The following NSF variants were observed in gnomAD, a reference collection of about 807,000 sequenced individuals.
NSF encodes the protein N-ethylmaleimide sensitive factor, vesicle fusing ATPase.
Under a neutral mutation model 50.3 loss-of-function variants are expected in NSF, and 14 were observed. The observed-to-expected ratio is 0.28, with a 90% confidence interval of 0.18 to 0.44. The LOEUF (loss-of-function observed/expected upper bound fraction) is 0.44, where lower values mean the gene tolerates loss of function less well. NSF is among the 20% of genes least tolerant of loss of function. The probability of loss-of-function intolerance (pLI) is 1.00; values close to 1 mark genes in which losing one functional copy is unlikely to be tolerated. For synonymous variants in NSF, 109 were observed against 175.7 expected, an observed-to-expected ratio of 0.62 and a Z score of 3.00; for missense variants, 218 against 504.3, an observed-to-expected ratio of 0.43 and a Z score of 5.44.
chr17:46,750,566 C>A (rs1380853861), intron 18 of NSF, among the ~76,000 whole-genome samples: 1 of 152,124 alleles, frequency 6.6e-6, no homozygotes, highest in Non-Finnish European at 1.5e-5. Context: ...TCAACCTGTA[C>A]CTCCAGTTGT....
At chr17:46,750,573 T>C (rs1337304168) in intron 18 of NSF, among the ~76,000 whole-genome samples, 3 of 152,170 alleles carry the variant, frequency 2.0e-5, no homozygotes, top group African/African-American at 7.2e-5. Context: ...GTACCTCCAG[T>C]TGTTTTCAGG....
intron 17 of NSF, among the ~76,000 whole-genome samples, chr17:46,733,546 A>G (rs773849512): frequency 2.1e-4 from 32 of 152,196 alleles, no homozygotes; most frequent in Non-Finnish European, 1.0e-4. Context: ...CTCGTAATTT[A>G]TGGAGGAGCA....
chr17:46,730,923 G>A (rs1371141642), intron 17 of NSF, among the ~76,000 whole-genome samples: 3 of 152,102 alleles, frequency 2.0e-5, no homozygotes, highest in African/African-American at 4.8e-5. Context: ...ACAAGCGCTG[G>A]TGCAGATGTG....
intron 15 of NSF, chr17:46,722,121 G>C: frequency 6.2e-7 from 1 of 1,611,852 alleles, no homozygotes; most frequent in Non-Finnish European, 8.5e-7. Flanking sequence ...GAACTCGTCC[G>C]GCTTCTCGCC....
At chr17:46,738,502 AGG>A in intron 17 of NSF, among the ~76,000 whole-genome samples, 1 of 152,368 alleles carries the variant, frequency 6.6e-6, no homozygotes, top group South Asian at 2.1e-4. Context: ...TTAATGAATA[AGG>A]ACCATCATAA....
intron 1 of NSF, among the ~76,000 whole-genome samples, chr17:46,602,716 A>C (rs1046744143): frequency 6.9e-6 from 1 of 145,512 alleles, no homozygotes; most frequent in Non-Finnish European, 1.5e-5. Context: ...TGAGTCTTCC[A>C]ATGAACCTCT....
chr17:46,733,796 G>A (rs1327203586), intron 17 of NSF, among the ~76,000 whole-genome samples: 2 of 152,168 alleles, frequency 1.3e-5, no homozygotes, highest in African/African-American at 2.4e-5. Flanking sequence ...CCACTCCAAC[G>A]TCATAGCAGT....
Position 46,725,954 on chromosome 17 carries a change from G to A in NSF, c.1762-595G>A, listed in dbSNP as rs535325843. ...ACTACATCCTTGCCAGGCTAAAACC[G>A]TTCCTTCACTGCTTAATTTCATTCT... is the stretch of plus-strand genomic sequence containing the variant. On this transcript the variant is annotated intron_variant, in intron 15 of 20. Coordinates refer to ENST00000398238, the MANE Select transcript of NSF (RefSeq NM_006178.4). 4.6e-5 allele frequency among the ~76,000 whole-genome samples: 7 copies of A among 152,234 alleles called. No individual in the cohort carries two copies. In the South Asian group the frequency reaches 6.2e-4, roughly 14 times the overall value.
chr17:46,754,208 A>G (rs1402979649), intron 19 of NSF, among the ~76,000 whole-genome samples: 1 of 151,166 alleles, frequency 6.6e-6, no homozygotes, highest in East Asian at 1.9e-4. Context: ...TCTATTCCCA[A>G]AAAGGAAAAA....
chr17:46,756,489 A>G lies in NSF; in HGVS notation c.*666A>G, dbSNP rs1237736463. 3 of 152,250 alleles carry G rather than the reference A, an allele frequency of 2.0e-5. No homozygotes were observed. The highest frequency in any genetic ancestry group is 7.2e-5 in the African/African-American group (3 of 41,462). 9.4% of individuals were successfully genotyped at this position (152,250 alleles called of 1,614,324 possible). On this transcript the variant is annotated 3_prime_UTR_variant, in exon 21 of 21. Coordinates refer to ENST00000398238, the MANE Select transcript of NSF (RefSeq NM_006178.4). ...TGTTGGTTGTGACTTCCCCTTAAGT[A>G]TAACTAATTTGCTCTGTGGTAAGAG... is the stretch of plus-strand genomic sequence containing the variant.
chr17:46,691,401 C>T (rs1193129176), intron 9 of NSF, among the ~76,000 whole-genome samples: 2 of 110,542 alleles, frequency 1.8e-5, no homozygotes, highest in East Asian at 6.1e-4. Context: ...TCGAGACCAG[C>T]CTGGCAAACA....
chr17:46,703,705 CAAAA>C (rs1210689723), intron 12 of NSF, among the ~76,000 whole-genome samples: 2 of 115,540 alleles, frequency 1.7e-5, no homozygotes, highest in Admixed American at 8.4e-5. Context: ...AAAAAAAAAA[CAAAA>C]AACAGAAAAC....
At chr17:46,715,994 T>C (rs1383038060) in intron 15 of NSF, among the ~76,000 whole-genome samples, 2 of 152,160 alleles carry the variant, frequency 1.3e-5, no homozygotes, top group East Asian at 3.8e-4. Context: ...TGGTTTTCCT[T>C]GGGGGAAAAA....
chr17:46,713,862 A>T lies in NSF; in HGVS notation c.1637A>T (p.His546Leu). ...TCATATCTTTATGCAGGCCCTCCTC[A>T]CAGTGGGAAGACTGCTTTAGCTGCA... ...LVSVLLEGPP[H>L]SGKTALAAKI... The change falls in exon 15 of 21, where the codon CAC becomes CTC. Residue 546 changes from histidine (H) to leucine (L), a missense_variant. His to Leu is a moderately conservative substitution (Grantham distance 99). Transcript: ENST00000398238. The T allele has an allele frequency of 1.2e-6, 2 of 1,611,196 alleles. No individual in the cohort carries two copies. Among genetic ancestry groups the T allele is most frequent in the Non-Finnish European group, 1.7e-6 (2 of 1,179,322 alleles).
chr17:46,750,391 C>A (rs1461452872), intron 18 of NSF, among the ~76,000 whole-genome samples: 1 of 152,110 alleles, frequency 6.6e-6, no homozygotes, highest in African/African-American at 2.4e-5. Context: ...TTTCAGATTT[C>A]AGATTTTTTC....
At chr17:46,747,509 G>T (rs2082991791) in intron 17 of NSF, among the ~76,000 whole-genome samples, 1 of 151,946 alleles carries the variant, frequency 6.6e-6, no homozygotes, top group Non-Finnish European at 1.5e-5. Context: ...CAAACTCCTG[G>T]GCTCAAGTGA....
rs1287583072 is a variant in NSF at position 46,755,812 on chromosome 17, G to A, written c.2224G>A (p.Asp742Asn). 2 of 1,603,676 alleles carry A rather than the reference G, an allele frequency of 1.2e-6. No individual in the cohort carries two copies. Among genetic ancestry groups the A allele is most frequent in the Non-Finnish European group, 1.7e-6 (2 of 1,176,918 alleles). Residue 742 changes from aspartate to asparagine, a missense_variant, in exon 21 of 21, where the codon GAT (aspartate) becomes AAT (asparagine). By Grantham distance (23) the Asp-to-Asn change is conservative. This residue lies in a region of NSF where 209 missense variants were observed against 320.9 expected (regional missense o/e 0.65). Transcript: ENST00000398238. The stretch of plus-strand genomic sequence containing the variant: ...GTATTTCTTTTGCAGTAGCCCCCTT[G>A]ATTTTGATTGAAAATGAACTATTTG... ...LLREEGASPLDFD is the reference protein window; with the variant it reads ...LLREEGASPLNFD
At chr17:46,714,069 T>A in intron 15 of NSF, 83 bp downstream of exon 15, 1 of 1,403,284 alleles carries the variant, frequency 7.1e-7, no homozygotes, top group Non-Finnish European at 9.5e-7. Context: ...TGTACATGTA[T>A]ACATATAAAC....
intron 17 of NSF, among the ~76,000 whole-genome samples, chr17:46,733,906 G>C (rs1053780383): frequency 1.3e-5 from 2 of 152,142 alleles, no homozygotes; most frequent in Non-Finnish European, 2.9e-5. Context: ...TGACACCTAG[G>C]AATATTACCT....
Sources: allele counts gnomAD v4.1 joint callset (sites outside exome capture counted in the v4.1 genomes callset), GRCh38; gene constraint gnomAD v4.1.1; regional missense constraint gnomAD v4.1.1; transcripts MANE v1.5; gene names NCBI Gene and HGNC (gene_info 2026-07-23, HGNC 2026-07-21).